USP36: variants seen among roughly 807,000 people sequenced by gnomAD.
USP36 encodes ubiquitin carboxyl-terminal hydrolase 36.
USP36 carries 59 observed loss-of-function variants against 111.5 expected under a neutral mutation model. That is an observed-to-expected ratio of 0.53 (90% confidence interval 0.43 to 0.66). The LOEUF (loss-of-function observed/expected upper bound fraction) is 0.66, where lower values mean the gene tolerates loss of function less well. Among genes scored for constraint, USP36 ranks in the 30% least tolerant of loss-of-function variants. USP36 has a pLI of 0.00. For missense variants in USP36, 1,488 were observed against 1,468.0 expected, an observed-to-expected ratio of 1.01 and a Z score of -0.22; for synonymous variants, 628 against 581.0, an observed-to-expected ratio of 1.08 and a Z score of -1.16.
At chr17:78,813,120 T>A in intron 12 of USP36, 119 bp from the exon 13 acceptor site, 4 of 1,263,200 alleles carry the variant, frequency 3.2e-6, no homozygotes, top group Non-Finnish European at 4.4e-6. Context: ...ACCCTGCCAG[T>A]CCTAACCACT....
intron 4 of USP36, among the ~76,000 whole-genome samples, chr17:78,833,696 C>A (rs139624691): frequency 2.8e-4 from 42 of 152,242 alleles, no homozygotes; most frequent in African/African-American, 9.9e-4. Flanking sequence ...AGATTTTCTG[C>A]GATGAAAACA....
chr17:78,822,874 GCT>G (rs1265634032), intron 6 of USP36, among the ~76,000 whole-genome samples: 1 of 152,138 alleles, frequency 6.6e-6, no homozygotes, highest in African/African-American at 2.4e-5. Flanking sequence ...TTACTAGGAG[GCT>G]GCGCAGTGCG....
downstream of USP36, among the ~76,000 whole-genome samples, chr17:78,792,907 G>C (rs1192759629): frequency 5.3e-5 from 8 of 152,054 alleles, no homozygotes; most frequent in African/African-American, 1.9e-4. Context: ...GTAGAGACAG[G>C]GTTTCACCAT....
In USP36 at chr17:78,812,979, G is replaced by A; in HGVS notation, c.1288C>T (p.Pro430Ser). The change falls in exon 13 of 21, where the codon CCC becomes TCC. Residue 430 changes from proline (P) to serine (S), a missense_variant. Coordinates refer to ENST00000449938, the MANE Select transcript of USP36 (RefSeq NM_001385174.1). ...CCTGTCCTGGAGATGAGGCCCTCGG[G>A]ACTTTTCTTAGAGCCTGGAATTCTG... ...YLRIPGSKKS[P>S]EGLISRTGSS... 1 of 1,614,108 alleles carries A rather than the reference G, an allele frequency of 6.2e-7. No individual in the cohort carries two copies. The highest frequency in any genetic ancestry group is 8.5e-7 in the Non-Finnish European group (1 of 1,180,028).
At position 78,803,376 on chromosome 17, in the gene USP36, T is replaced by A; in HGVS notation, c.2810+9A>T. 1 of 1,607,974 alleles carries A rather than the reference T, an allele frequency of 6.2e-7. No homozygotes were observed. Among genetic ancestry groups the A allele is most frequent in the South Asian group, 1.1e-5 (1 of 90,664 alleles). On this transcript the variant is annotated intron_variant, in intron 16 of 20. Coordinates refer to ENST00000449938, the MANE Select transcript of USP36 (RefSeq NM_001385174.1). This position sits in a 1 kb window ranked among gnomAD's most constrained non-coding sequence, Gnocchi z 4.6. ...AGGTAGACAGATGCCACTTTGCTCCTGCCCTTACCTGTGCCGAAGTGGGTC... is the reference window on the plus strand; with the variant it reads ...AGGTAGACAGATGCCACTTTGCTCCAGCCCTTACCTGTGCCGAAGTGGGTC...
chr17:78,822,245 T>G (rs1393629336), intron 6 of USP36, among the ~76,000 whole-genome samples: 1 of 152,074 alleles, frequency 6.6e-6, no homozygotes, highest in East Asian at 1.9e-4. Context: ...TTTCAAACCT[T>G]CACAATGCCC....
chr17:78,814,368 G>A (rs2145255953), intron 11 of USP36, 44 bp downstream of exon 11: 1 of 1,609,278 alleles, frequency 6.2e-7, no homozygotes, highest in Non-Finnish European at 8.5e-7. Flanking sequence ...CATGGGTGCT[G>A]AAACCTGTCC....
intron 6 of USP36, chr17:78,827,002 G>T: frequency 1.5e-6 from 1 of 653,880 alleles, no homozygotes; most frequent in South Asian, 1.7e-5. Flanking sequence ...ACAGCCACCC[G>T]ATCCTACCAA....
rs144571361 is a variant in USP36 at position 78,833,995 on chromosome 17, C to T, written c.475+1285G>A. Among the ~76,000 whole-genome samples, 434 of 152,142 alleles carry T rather than the reference C, an allele frequency of 2.9e-3. 1 individual carries two copies. The highest frequency in any genetic ancestry group is 9.9e-3 in the African/African-American group (411 of 41,502). ...GGCACAGTGGTTCACACCTGTAATC[C>T]CAGCACTTTAGGAGGCCAAGGCGGT... is the stretch of plus-strand genomic sequence containing the variant. On this transcript the variant is annotated intron_variant, in intron 4 of 20. Coordinates refer to ENST00000449938, the MANE Select transcript of USP36 (RefSeq NM_001385174.1).
intron 3 of USP36, 142 bp downstream of exon 3, chr17:78,835,969 G>A: frequency 8.4e-7 from 1 of 1,194,494 alleles, no homozygotes; most frequent in Non-Finnish European, 1.2e-6. Context: ...TTCTATAACT[G>A]AAATCCACTG....
chr17:78,835,613 T>C (rs1013704689), intron 3 of USP36, 112 bp from the exon 4 acceptor site: 8 of 1,060,498 alleles, frequency 7.5e-6, no homozygotes, highest in South Asian at 4.6e-5. Flanking sequence ...ACTCGGAACA[T>C]GGCACCAGAG....
rs989845820 is a variant in USP36 at position 78,790,457 on chromosome 17, A to AT, written c.*21-2800dup. Among the ~76,000 whole-genome samples, 11 of 151,464 alleles carry AT rather than the reference A, an allele frequency of 7.3e-5. No homozygotes were observed. In the East Asian group the frequency reaches 9.7e-4, roughly 13 times the overall value. On this transcript the variant is annotated intron_variant, in intron 3 of 3. Transcript: ENST00000588130. ...AGGCGTGTGCCACGAGGCCCGGCTA[A>AT]TTTTTTTTTATTTTTAGTAGAGACA...
intron 4 of USP36, among the ~76,000 whole-genome samples, chr17:78,834,038 C>G (rs1287758185): frequency 2.6e-5 from 4 of 152,006 alleles, no homozygotes; most frequent in African/African-American, 9.7e-5. Context: ...CCTGAGGTCA[C>G]GAGTTCAAGA....
intron 4 of USP36, among the ~76,000 whole-genome samples, chr17:78,834,837 T>G (rs1022723123): frequency 6.6e-6 from 1 of 151,972 alleles, no homozygotes; most frequent in Non-Finnish European, 1.5e-5. Flanking sequence ...ACAATTGGGC[T>G]AGGCATGGTG....
intron 5 of USP36, among the ~76,000 whole-genome samples, chr17:78,828,018 G>C (rs570273919): frequency 6.6e-6 from 1 of 152,288 alleles, no homozygotes; most frequent in African/African-American, 2.4e-5. Flanking sequence ...GGAGCTGGGA[G>C]TTGGAGACCA....
chr17:78,829,053 A>G (rs1438212586), intron 4 of USP36, 46 bp from the exon 5 acceptor site: 5 of 1,567,154 alleles, frequency 3.2e-6, no homozygotes, highest in South Asian at 1.1e-5. Flanking sequence ...GAGCTTTCAA[A>G]GAACTCACGG....
Position 78,807,228 on chromosome 17 carries a change from C to A in USP36, c.1816G>T (p.Asp606Tyr), listed in dbSNP as rs576677638. The A allele has an allele frequency of 2.5e-6, 4 of 1,613,912 alleles. No individual in the cohort carries two copies. In the African/African-American group the frequency reaches 4.0e-5, roughly 16 times the overall value. Residue 606 changes from aspartate (D) to tyrosine (Y), a missense_variant, in exon 14 of 21, where the codon GAC becomes TAC. Coordinates refer to ENST00000449938, the MANE Select transcript of USP36 (RefSeq NM_001385174.1). Reference sequence around the variant, plus strand: ...CTGGAGCTGCTGGAGCCCCTCCTGTCGAGGCCAGCGCTCTCGTCGTTCCCC... The same window carrying A: ...CTGGAGCTGCTGGAGCCCCTCCTGTAGAGGCCAGCGCTCTCGTCGTTCCCC... Reference protein sequence around the residue: ...LKGNDESAGLDRRGSSSSSPE... With the variant: ...LKGNDESAGLYRRGSSSSSPE...
In USP36 at chr17:78,814,558, T is replaced by A; in HGVS notation, c.1024-6A>T. 6.2e-7 allele frequency: 1 copy of A among 1,608,404 alleles called. No homozygotes were observed. The highest frequency in any genetic ancestry group is 8.5e-7 in the Non-Finnish European group (1 of 1,177,706). On this transcript the variant is annotated splice_region_variant and splice_polypyrimidine_tract_variant and intron_variant, in intron 10 of 20. Transcript: ENST00000449938. Reference sequence around the variant, plus strand: ...AATTCCGGATAGCCTACATCCTGTTTGAAAAATCAAGGAAAAGACAAATAA... The same window carrying A: ...AATTCCGGATAGCCTACATCCTGTTAGAAAAATCAAGGAAAAGACAAATAA...
chr17:78,803,785 G>A lies in USP36; in HGVS notation c.2410C>T (p.Pro804Ser), dbSNP rs772158740. Residue 804 changes from proline (P) to serine (S), a missense_variant, in exon 16 of 21, where the codon CCC (proline) becomes TCC (serine). Physicochemically the swap from Pro to Ser is moderately conservative, Grantham distance 74 (BLOSUM62 -1). Transcript: ENST00000449938. The surrounding 1 kb of genome is among the most constrained non-coding windows in gnomAD (Gnocchi z 4.6). ...CTCTTCTCAGAGGGGCTCTGGGGGGGCTCACTGGCCTCTGGCAACTGGTGT... is the reference window on the plus strand; with the variant it reads ...CTCTTCTCAGAGGGGCTCTGGGGGGACTCACTGGCCTCTGGCAACTGGTGT... ...LPHQLPEASEPPQSPSEKRKK... is the reference protein window; with the variant it reads ...LPHQLPEASESPQSPSEKRKK... 4 of 1,612,802 alleles carry A rather than the reference G, an allele frequency of 2.5e-6. No homozygotes were observed. Among genetic ancestry groups the A allele is most frequent in the Non-Finnish European group, 3.4e-6 (4 of 1,179,992 alleles).
Sources: allele counts gnomAD v4.1 joint callset (sites outside exome capture counted in the v4.1 genomes callset), GRCh38; gene constraint gnomAD v4.1.1; non-coding constraint Gnocchi (gnomAD v3.1); transcripts MANE v1.5; gene names NCBI Gene and HGNC (gene_info 2026-07-23, HGNC 2026-07-21).